Variants in RAP1GDS1 observed in about 807,000 individuals in gnomAD.
RAP1GDS1 encodes RAP1, GTP-GDP dissociation stimulator 1.
Under a neutral mutation model 71.1 loss-of-function variants are expected in RAP1GDS1, and 35 were observed. The ratio of observed to expected loss-of-function variants is 0.49; its 90% CI spans 0.38 to 0.65. RAP1GDS1 has a LOEUF of 0.65. Ranked by LOEUF, RAP1GDS1 falls within the 30% of genes least tolerant of loss-of-function variation. The pLI is 0.00. For synonymous variants in RAP1GDS1, 229 were observed against 243.1 expected (o/e 0.94, Z 0.54); for missense variants, 663 against 706.1 (o/e 0.94, Z 0.69).
chr4:98,265,144 T>C (rs1722547691), intron 1 of RAP1GDS1, among the ~76,000 whole-genome samples: 2 of 152,168 alleles, frequency 1.3e-5, no homozygotes, highest in African/African-American at 4.8e-5. Context: ...CAGAAGATTG[T>C]TGTTGGAGTT....
intron 6 of RAP1GDS1, chr4:98,396,289 A>AT (rs1744538916): frequency 6.6e-6 from 1 of 152,214 alleles, no homozygotes; most frequent in South Asian, 2.1e-4. Context: ...AGGAAAAATA[A>AT]TATGAGGACA....
chr4:98,364,203 G>A (rs1219580796), intron 4 of RAP1GDS1, among the ~76,000 whole-genome samples: 3 of 152,110 alleles, frequency 2.0e-5, no homozygotes, highest in Non-Finnish European at 4.4e-5. Context: ...TTAGCAAAAT[G>A]TTGTTAACTG....
intron 2 of RAP1GDS1, among the ~76,000 whole-genome samples, chr4:98,324,250 A>G (rs1162706977): frequency 6.7e-5 from 10 of 149,134 alleles, no homozygotes; most frequent in East Asian, 2.0e-4. Flanking sequence ...ACTACAAACC[A>G]CTGCTCAAGG....
Position 98,441,691 on chromosome 4 carries a change from T to C in RAP1GDS1, c.1697-299T>C, listed in dbSNP as rs1010383228. On this transcript the variant is annotated intron_variant, in intron 14 of 14. Coordinates refer to ENST00000408927, the MANE Select transcript of RAP1GDS1 (RefSeq NM_001100427.2). ...CTGAGCAGGATGAATCCCTTGAGGC[T>C]AGGAGTTTGAGGCTGCAGTAAGCTG... 5 of 882,712 alleles carry C rather than the reference T, an allele frequency of 5.7e-6. No homozygotes were observed. In the African/African-American group the frequency reaches 9.1e-5, roughly 16 times the overall value. 54.7% of individuals were successfully genotyped at this position (882,712 alleles called of 1,614,324 possible).
intron 4 of RAP1GDS1, among the ~76,000 whole-genome samples, chr4:98,361,482 T>C (rs897866997): frequency 4.9e-4 from 74 of 152,190 alleles, no homozygotes; most frequent in African/African-American, 1.3e-3. Flanking sequence ...TATAAAAATA[T>C]AGGGAGTAAA....
At position 98,268,597 on chromosome 4, in the gene RAP1GDS1, T is replaced by A. The variant is rs79780884; in HGVS notation, c.4+7028T>A. ...TGAAAAAAAAGACAAAAACTATTAGTCCTAATAAATGAATTCAGTAAAGTT... is the reference window on the plus strand; with the variant it reads ...TGAAAAAAAAGACAAAAACTATTAGACCTAATAAATGAATTCAGTAAAGTT... On this transcript the variant is annotated intron_variant, in intron 1 of 14. Transcript: ENST00000408927. Among the ~76,000 whole-genome samples the A allele has an allele frequency of 5.0e-3, 752 of 151,820 alleles. 7 individuals carry two copies. Among genetic ancestry groups the A allele is most frequent in the South Asian group, 0.018 (85 of 4,776 alleles).
chr4:98,433,821 A>G (rs903855113), intron 12 of RAP1GDS1, 115 bp from the exon 13 acceptor site: 1 of 903,090 alleles, frequency 1.1e-6, no homozygotes, highest in African/African-American at 1.7e-5. Context: ...ATTAAATCAA[A>G]TGATTCATAC....
intron 2 of RAP1GDS1, among the ~76,000 whole-genome samples, chr4:98,300,540 C>A (rs904019324): frequency 1.3e-5 from 2 of 151,966 alleles, no homozygotes; most frequent in Non-Finnish European, 2.9e-5. Context: ...GCTGGGATTA[C>A]AGATGCCCAC....
At chr4:98,427,002 A>G (rs1043827136) in intron 12 of RAP1GDS1, among the ~76,000 whole-genome samples, 3 of 152,190 alleles carry the variant, frequency 2.0e-5, no homozygotes, top group African/African-American at 4.8e-5. Flanking sequence ...CCAACAACAT[A>G]TCAAGAAGAT....
chr4:98,437,351 C>A (rs1751277603), intron 14 of RAP1GDS1, among the ~76,000 whole-genome samples: 1 of 152,022 alleles, frequency 6.6e-6, no homozygotes, highest in Admixed American at 6.6e-5. Flanking sequence ...GAAGACATTC[C>A]CAAAAGATTC....
chr4:98,408,498 G>A (rs1301523125), intron 7 of RAP1GDS1, among the ~76,000 whole-genome samples: 1 of 152,010 alleles, frequency 6.6e-6, no homozygotes, highest in Non-Finnish European at 1.5e-5. Flanking sequence ...CTTACCTTAA[G>A]AATTCTTCCA....
At chr4:98,327,811 G>A (rs751495846) in intron 2 of RAP1GDS1, among the ~76,000 whole-genome samples, 13 of 152,092 alleles carry the variant, frequency 8.5e-5, no homozygotes, top group Non-Finnish European at 1.8e-4. Flanking sequence ...GAAGGTGAGT[G>A]GTTCTTGGTC....
At chr4:98,397,214 G>GTT (rs1374558628) in intron 6 of RAP1GDS1, among the ~76,000 whole-genome samples, 1 of 151,958 alleles carries the variant, frequency 6.6e-6, no homozygotes, top group African/African-American at 2.4e-5. Flanking sequence ...CAATGAATGT[G>GTT]TTTACATAAT....
chr4:98,340,919 G>A (rs1343587910), intron 2 of RAP1GDS1, among the ~76,000 whole-genome samples: 2 of 151,906 alleles, frequency 1.3e-5, no homozygotes, highest in Non-Finnish European at 2.9e-5. Context: ...TACCTATCGG[G>A]TACTATGCTT....
intron 1 of RAP1GDS1, among the ~76,000 whole-genome samples, chr4:98,267,906 C>T (rs892450159): frequency 3.3e-5 from 5 of 152,148 alleles, no homozygotes; most frequent in African/African-American, 7.2e-5. Context: ...GTTTTAAGTT[C>T]GTCGAGAAGT....
chr4:98,328,351 A>G (rs1034640572), intron 2 of RAP1GDS1, among the ~76,000 whole-genome samples: 3 of 152,208 alleles, frequency 2.0e-5, no homozygotes, highest in South Asian at 4.1e-4. Context: ...GAGTCTTACT[A>G]TTATATAAAA....
chr4:98,323,472 AAG>A (rs1371681059), intron 2 of RAP1GDS1, among the ~76,000 whole-genome samples: 8 of 117,816 alleles, frequency 6.8e-5, no homozygotes, highest in African/African-American at 2.8e-4. Context: ...ACAACCAAAA[AAG>A]AGAATTTTAG....
intron 14 of RAP1GDS1, among the ~76,000 whole-genome samples, chr4:98,439,290 G>A (rs1188121246): frequency 6.6e-6 from 1 of 152,136 alleles, no homozygotes; most frequent in Non-Finnish European, 1.5e-5. Context: ...AATCCATTGT[G>A]TTCTTATGTG....
intron 2 of RAP1GDS1, among the ~76,000 whole-genome samples, chr4:98,333,976 G>C (rs763294324): frequency 2.6e-5 from 4 of 152,090 alleles, no homozygotes; most frequent in Non-Finnish European, 4.4e-5. Context: ...ATATAATCCT[G>C]TCTGACCAGT....
Sources: allele counts gnomAD v4.1 joint callset (sites outside exome capture counted in the v4.1 genomes callset), GRCh38; gene constraint gnomAD v4.1.1; transcripts MANE v1.5; gene names NCBI Gene and HGNC (gene_info 2026-07-23, HGNC 2026-07-21).